The following SPACA7 variants were observed in gnomAD, a reference collection of about 807,000 sequenced individuals.
SPACA7 encodes the protein sperm acrosome-associated protein 7.
SPACA7 carries 19 observed loss-of-function variants against 26.3 expected under a neutral mutation model. The ratio of observed to expected loss-of-function variants is 0.72; its 90% CI spans 0.50 to 1.06. The LOEUF (loss-of-function observed/expected upper bound fraction) is 1.06, where lower values mean the gene tolerates loss of function less well. SPACA7 is among the 50% of genes least tolerant of loss of function. SPACA7 has a pLI of 0.00. For missense variants in SPACA7, 211 were observed against 229.9 expected (o/e 0.92, Z 0.53); for synonymous variants, 84 against 84.5 (o/e 0.99, Z 0.04).
At chr13:112,383,305 A>G (rs1379638508) in intron 1 of SPACA7, among the ~76,000 whole-genome samples, 2 of 152,114 alleles carry the variant, frequency 1.3e-5, no homozygotes, top group South Asian at 2.1e-4. Flanking sequence ...TAAACTGCCC[A>G]AAAAAACCTT....
chr13:112,393,085 A>T lies in SPACA7; in HGVS notation c.151+8A>T, dbSNP rs772867461. On this transcript the variant is annotated splice_region_variant and intron_variant, in intron 2 of 6. Coordinates refer to ENST00000283550, the MANE Select transcript of SPACA7 (RefSeq NM_145248.5). The stretch of plus-strand genomic sequence containing the variant: ...ATATGTCTGAATTATTAGGTAAGGA[A>T]GCCCCTCCTATCAACCTCTGGCCTG... 1 of 1,611,808 alleles carries T rather than the reference A, an allele frequency of 6.2e-7. No homozygotes were observed. Among genetic ancestry groups the T allele is most frequent in the Non-Finnish European group, 8.5e-7 (1 of 1,178,290 alleles).
At chr13:112,419,999 G>T (rs1886917005) in intron 5 of SPACA7, among the ~76,000 whole-genome samples, 1 of 152,194 alleles carries the variant, frequency 6.6e-6, no homozygotes, top group Non-Finnish European at 1.5e-5. Context: ...CACTTCTGGA[G>T]GACTTTGATT....
intron 5 of SPACA7, among the ~76,000 whole-genome samples, chr13:112,421,440 T>A (rs1875971442): frequency 6.6e-6 from 1 of 152,000 alleles, no homozygotes; most frequent in Non-Finnish European, 1.5e-5. Context: ...AATGAATATT[T>A]AAAAATACCC....
intron 5 of SPACA7, among the ~76,000 whole-genome samples, chr13:112,409,689 T>C (rs565494160): frequency 4.2e-4 from 64 of 152,314 alleles, no homozygotes; most frequent in African/African-American, 1.5e-3. Context: ...CCAGTTAGAA[T>C]AGTGATCATT....
intron 2 of SPACA7, among the ~76,000 whole-genome samples, chr13:112,395,249 G>C (rs1193565593): frequency 1.3e-5 from 2 of 152,230 alleles, no homozygotes; most frequent in Non-Finnish European, 2.9e-5. Context: ...GAGGGAGCAT[G>C]TGTGGCTTTC....
intron 5 of SPACA7, among the ~76,000 whole-genome samples, chr13:112,405,496 A>G (rs1885927820): frequency 6.6e-6 from 1 of 152,282 alleles, no homozygotes; most frequent in African/African-American, 2.4e-5. Flanking sequence ...TGTTTTTCAT[A>G]ATAATTTCTA....
chr13:112,399,991 C>T (rs1430482352), intron 4 of SPACA7, among the ~76,000 whole-genome samples: 1 of 152,142 alleles, frequency 6.6e-6, no homozygotes, highest in African/African-American at 2.4e-5. Context: ...CAAGGAGCAA[C>T]TCTGCCCCCA....
intron 5 of SPACA7, among the ~76,000 whole-genome samples, chr13:112,402,434 T>C (rs1885707788): frequency 1.3e-5 from 2 of 152,244 alleles, no homozygotes; most frequent in Admixed American, 1.3e-4. Context: ...TATCATTGAT[T>C]ATCTAGGGTT....
chr13:112,378,849 A>G (rs1309705330), intron 1 of SPACA7: 6 of 436,020 alleles, frequency 1.4e-5, no homozygotes, highest in Admixed American at 2.6e-5. Flanking sequence ...TAATATGACC[A>G]ATGTTTCCAA....
intron 1 of SPACA7, among the ~76,000 whole-genome samples, chr13:112,377,727 C>T (rs188923170): frequency 1.4e-4 from 22 of 152,256 alleles, no homozygotes; most frequent in South Asian, 6.2e-4. Flanking sequence ...AGTCAAGGAG[C>T]GAGGCTTTCT....
intron 5 of SPACA7, among the ~76,000 whole-genome samples, chr13:112,409,188 TCCTTATA>T (rs1886185479): frequency 6.6e-6 from 1 of 152,144 alleles, no homozygotes; most frequent in African/African-American, 2.4e-5. Context: ...CTGGATCCCC[TCCTTATA>T]CCTTATACAA....
chr13:112,408,383 A>G (rs1445146932), intron 5 of SPACA7, among the ~76,000 whole-genome samples: 1 of 152,182 alleles, frequency 6.6e-6, no homozygotes. Flanking sequence ...ATCAGGCAGG[A>G]GAAAGAAATA....
chr13:112,396,567 A>G (rs971041985), intron 2 of SPACA7, among the ~76,000 whole-genome samples: 8 of 152,218 alleles, frequency 5.3e-5, no homozygotes, highest in Non-Finnish European at 1.5e-5. Context: ...CTGGTTCAGA[A>G]GAGTGCCCAG....
chr13:112,382,390 G>A, intron 1 of SPACA7: 1 of 1,538,402 alleles, frequency 6.5e-7, no homozygotes, highest in Non-Finnish European at 8.8e-7. Context: ...GAGCCACCGT[G>A]CCTGGCCAAT....
intron 5 of SPACA7, among the ~76,000 whole-genome samples, chr13:112,428,516 G>A (rs574859575): frequency 1.3e-5 from 2 of 152,124 alleles, no homozygotes; most frequent in Non-Finnish European, 2.9e-5. Context: ...GGCAGCAGAA[G>A]TCACAGTGAG....
At chr13:112,421,242 A>T (rs1434913803) in intron 5 of SPACA7, among the ~76,000 whole-genome samples, 3 of 151,496 alleles carry the variant, frequency 2.0e-5, no homozygotes, top group Non-Finnish European at 4.4e-5. Context: ...AAAAAAAAAA[A>T]AGTATGTCAA....
chr13:112,381,628 G>C (rs1197805699), intron 1 of SPACA7, among the ~76,000 whole-genome samples: 1 of 152,184 alleles, frequency 6.6e-6, no homozygotes, highest in East Asian at 1.9e-4. Flanking sequence ...AGAGCCAGCT[G>C]TGCAGGAGAC....
chr13:112,395,661 G>A (rs575670780), intron 2 of SPACA7, among the ~76,000 whole-genome samples: 1 of 152,196 alleles, frequency 6.6e-6, no homozygotes, highest in South Asian at 2.1e-4. Context: ...AGTAGGACAG[G>A]GTTTCACCAT....
At chr13:112,392,070 C>T (rs1298807939) in intron 1 of SPACA7, among the ~76,000 whole-genome samples, 2 of 152,230 alleles carry the variant, frequency 1.3e-5, no homozygotes, top group Admixed American at 1.3e-4. Flanking sequence ...AAGCTCTGTG[C>T]ACTCTGAAAG....
Sources: allele counts gnomAD v4.1 joint callset (sites outside exome capture counted in the v4.1 genomes callset), GRCh38; gene constraint gnomAD v4.1.1; transcripts MANE v1.5; gene names NCBI Gene and HGNC (gene_info 2026-07-23, HGNC 2026-07-21).